ANGPT2: variants seen among roughly 807,000 people sequenced by gnomAD.
The protein encoded by ANGPT2 is angiopoietin 2, also known as angiopoietin-2.
Under a neutral mutation model 62.9 loss-of-function variants are expected in ANGPT2, and 28 were observed. That is an observed-to-expected ratio of 0.44 (90% CI 0.33 to 0.61). The LOEUF (loss-of-function observed/expected upper bound fraction) is 0.61. Ranked by LOEUF, ANGPT2 falls within the 20% of genes least tolerant of loss-of-function variation. The pLI, the probability that ANGPT2 is intolerant of heterozygous loss-of-function variation, is 0.03. For synonymous variants in ANGPT2, 284 were observed against 207.8 expected, an observed-to-expected ratio of 1.37 and a Z score of -3.15; for missense variants, 727 against 594.9, an observed-to-expected ratio of 1.22 and a Z score of -2.31.
intron 2 of ANGPT2, among the ~76,000 whole-genome samples, chr8:6,531,230 T>A (rs543861971): frequency 1.3e-5 from 2 of 152,118 alleles, no homozygotes; most frequent in South Asian, 4.2e-4. Flanking sequence ...TCTCGGTGAA[T>A]TTTCTTCTTT....
chr8:6,562,552 C>CTTTTTTGTTTTTTTTT (rs1825703377), intron 1 of ANGPT2, 95 bp downstream of exon 1: 1 of 71,748 alleles, frequency 1.4e-5, no homozygotes, highest in Non-Finnish European at 2.6e-5. Flanking sequence ...CATCCTCCTT[C>CTTTTTTGTTTTTTTTT]TTTTTTTTTT....
At chr8:6,506,487 C>T (rs377627747) in intron 8 of ANGPT2, among the ~76,000 whole-genome samples, 8 of 152,284 alleles carry the variant, frequency 5.3e-5, no homozygotes, top group African/African-American at 1.7e-4. Flanking sequence ...TCCTGAGAAG[C>T]TCAGCACATA....
intron 3 of ANGPT2, among the ~76,000 whole-genome samples, chr8:6,521,674 C>T (rs1197334829): frequency 6.6e-6 from 1 of 152,084 alleles, no homozygotes; most frequent in Non-Finnish European, 1.5e-5. Flanking sequence ...CCCATCTGGT[C>T]CAGGATAGGT....
At chr8:6,523,641 G>A (rs1218474932) in intron 3 of ANGPT2, among the ~76,000 whole-genome samples, 1 of 152,130 alleles carries the variant, frequency 6.6e-6, no homozygotes, top group Non-Finnish European at 1.5e-5. Context: ...CTGGGCTGTT[G>A]TGCAGTGGCG....
intron 1 of ANGPT2, among the ~76,000 whole-genome samples, chr8:6,536,319 A>AGGT (rs1820490697): frequency 6.6e-6 from 1 of 152,162 alleles, no homozygotes; most frequent in Non-Finnish European, 1.5e-5. Flanking sequence ...ACATCAGCAC[A>AGGT]GGTGGATGCA....
At chr8:6,546,623 G>A (rs1169449527) in intron 1 of ANGPT2, among the ~76,000 whole-genome samples, 1 of 152,044 alleles carries the variant, frequency 6.6e-6, no homozygotes, top group East Asian at 1.9e-4. Flanking sequence ...AAATTATTTG[G>A]AGCTAACCGC....
intron 1 of ANGPT2, among the ~76,000 whole-genome samples, chr8:6,554,386 T>C (rs1169828038): frequency 6.6e-6 from 1 of 152,222 alleles, no homozygotes; most frequent in Non-Finnish European, 1.5e-5. Flanking sequence ...AAGCCAATTA[T>C]GATTATAATT....
chr8:6,516,499 A>G (rs1464146671), intron 5 of ANGPT2, among the ~76,000 whole-genome samples: 1 of 152,234 alleles, frequency 6.6e-6, no homozygotes, highest in Non-Finnish European at 1.5e-5. Context: ...CCTTTGGTAA[A>G]TAGGCCAAAA....
At chr8:6,552,682 A>G (rs1823863036) in intron 1 of ANGPT2, among the ~76,000 whole-genome samples, 1 of 152,200 alleles carries the variant, frequency 6.6e-6, no homozygotes, top group Non-Finnish European at 1.5e-5. Context: ...TCTTATTTGA[A>G]ACACATAATA....
chr8:6,542,962 G>A (rs1371756835), intron 1 of ANGPT2, among the ~76,000 whole-genome samples: 3 of 152,140 alleles, frequency 2.0e-5, no homozygotes, highest in African/African-American at 7.2e-5. Context: ...TTATAAGGCC[G>A]GCAGGAAGCG....
At chr8:6,552,195 T>C (rs940402509) in intron 1 of ANGPT2, among the ~76,000 whole-genome samples, 2 of 152,204 alleles carry the variant, frequency 1.3e-5, no homozygotes, top group African/African-American at 2.4e-5. Flanking sequence ...CTTGTAATAC[T>C]CATTTAGTTC....
intron 7 of ANGPT2, among the ~76,000 whole-genome samples, chr8:6,509,676 C>G (rs973494645): frequency 5.3e-5 from 8 of 152,214 alleles, no homozygotes; most frequent in African/African-American, 1.9e-4. Context: ...CGATCCCTGA[C>G]TTCCCATGGG....
At chr8:6,537,639 T>C (rs957981302) in intron 1 of ANGPT2, among the ~76,000 whole-genome samples, 1 of 152,014 alleles carries the variant, frequency 6.6e-6, no homozygotes, top group Non-Finnish European at 1.5e-5. Flanking sequence ...TTTTGAATGA[T>C]CAAATTTGAC....
chr8:6,550,215 A>G (rs1823384957), intron 1 of ANGPT2, among the ~76,000 whole-genome samples: 1 of 152,202 alleles, frequency 6.6e-6, no homozygotes, highest in Non-Finnish European at 1.5e-5. Context: ...CTCACTGGCT[A>G]CCGCTAGGTG....
In ANGPT2 at chr8:6,505,294, C is replaced by A. The variant is rs866541386; in HGVS notation, c.1328-2033G>T. On this transcript the variant is annotated intron_variant, in intron 8 of 8. Transcript: ENST00000629816. ...TATGTATACATATATATGTTATATA[C>A]ATATATATGTATATAACATATATAT... is the stretch of plus-strand genomic sequence containing the variant. Among the ~76,000 whole-genome samples the A allele has an allele frequency of 6.2e-4, 23 of 36,818 alleles. 1 individual carries two copies. Among genetic ancestry groups the A allele is most frequent in the East Asian group, 2.3e-3 (3 of 1,292 alleles). The allele number at this position is 36,818 out of a possible 152,430, so 24.2% of individuals were successfully genotyped here.
chr8:6,538,609 C>A (rs1490245041), intron 1 of ANGPT2, among the ~76,000 whole-genome samples: 6 of 152,204 alleles, frequency 3.9e-5, no homozygotes, highest in Admixed American at 2.0e-4. Context: ...TGTATCTCCT[C>A]CTTGAGTCTT....
rs1812076889 is a variant in ANGPT2, at chr8:6,501,045, A to G, written c.*2056T>C. The G allele has an allele frequency of 6.6e-6, 1 of 152,226 alleles. No individual in the cohort carries two copies. Among genetic ancestry groups the G allele is most frequent in the Admixed American group, 6.5e-5 (1 of 15,278 alleles). 9.4% of individuals were successfully genotyped at this position (152,226 alleles called of 1,614,324 possible). On this transcript the variant is annotated 3_prime_UTR_variant, in exon 9 of 9. Coordinates refer to ENST00000629816, the MANE Select transcript of ANGPT2 (RefSeq NM_001118887.2). ...TTTCAGTTGTTTTTCAACTTGATAC[A>G]AGGCCATGATACCGTTGTTGAATTC...
chr8:6,500,063 AC>A lies in ANGPT2; in HGVS notation c.*3037del. ...CCATAATTAAAAAGACATTCACAGA[AC>A]TTAACACCTTTTATCAATTTATTCG... On this transcript the variant is annotated 3_prime_UTR_variant, in exon 9 of 9. Coordinates refer to ENST00000629816, the MANE Select transcript of ANGPT2 (RefSeq NM_001118887.2). 1.3e-6 allele frequency: 1 copy of A among 746,828 alleles called. No homozygotes were observed. The allele number at this position is 746,828 out of a possible 1,614,324, so 46.3% of individuals were successfully genotyped here. A position where few individuals can be genotyped will look rare whatever the true frequency, so the allele number is the denominator to read the frequency against.
At chr8:6,533,711 G>C (rs1425954592) in intron 1 of ANGPT2, among the ~76,000 whole-genome samples, 2 of 150,338 alleles carry the variant, frequency 1.3e-5, no homozygotes, top group African/African-American at 4.9e-5. Context: ...TTATTACATT[G>C]AATAATTGAA....
Sources: allele counts gnomAD v4.1 joint callset (sites outside exome capture counted in the v4.1 genomes callset), GRCh38; gene constraint gnomAD v4.1.1; transcripts MANE v1.5; gene names NCBI Gene and HGNC (gene_info 2026-07-23, HGNC 2026-07-21).